Variants in ATP11C observed in about 807,000 individuals in gnomAD.
The protein encoded by ATP11C is phospholipid-transporting ATPase IG.
A neutral mutation model predicts 97.4 loss-of-function variants in ATP11C; 36 were observed. The ratio of observed to expected loss-of-function variants is 0.37; its 90% CI spans 0.28 to 0.49. The LOEUF (loss-of-function observed/expected upper bound fraction) is 0.49. Ranked by LOEUF, ATP11C falls within the 20% of genes least tolerant of loss-of-function variation. The pLI is 0.98. For synonymous variants in ATP11C, 275 were observed against 290.9 expected (o/e 0.95, Z 0.56); for missense variants, 730 against 824.6 (o/e 0.89, Z 1.40).
At chrX:139,847,575 C>T (rs967742110) in intron 1 of ATP11C, among the ~76,000 whole-genome samples, 1 of 109,886 alleles carries the variant, frequency 9.1e-6, no homozygotes, top group Non-Finnish European at 1.9e-5. Flanking sequence ...TGGTGGCTCA[C>T]GCCTGTAATC....
intron 1 of ATP11C, among the ~76,000 whole-genome samples, chrX:139,861,169 G>T (rs940663368): frequency 8.9e-6 from 1 of 111,832 alleles, no homozygotes; most frequent in African/African-American, 3.3e-5. Flanking sequence ...CCAAATTTTT[G>T]TTCTAGAAAA....
intron 29 of ATP11C, 116 bp downstream of exon 29, chrX:139,731,535 G>T: frequency 3.0e-6 from 1 of 329,947 alleles, no homozygotes; most frequent in African/African-American, 2.6e-5. Flanking sequence ...AAAGAATATT[G>T]TAAAGTTCAC....
At chrX:139,802,186 G>A in intron 7 of ATP11C, 50 bp downstream of exon 7, 1 of 923,441 alleles carries the variant, frequency 1.1e-6, no homozygotes, top group East Asian at 3.1e-5. Flanking sequence ...TATTAGCAAA[G>A]AGAAGCAGAG....
At chrX:139,745,201 T>C (rs762744497) in intron 25 of ATP11C, among the ~76,000 whole-genome samples, 5 of 111,387 alleles carry the variant, frequency 4.5e-5, no homozygotes, top group African/African-American at 1.3e-4. Flanking sequence ...CTGAATGAGA[T>C]AGTCATGTTC....
At chrX:139,782,844 T>C (rs774597605) in intron 17 of ATP11C, 116 bp from the exon 18 acceptor site, 34 of 512,864 alleles carry the variant, frequency 6.6e-5, no homozygotes, top group Middle Eastern at 8.7e-4. Context: ...CTGACACATA[T>C]TTAGTCTGAA....
At chrX:139,799,896 C>T (rs1035349390) in intron 8 of ATP11C, among the ~76,000 whole-genome samples, 164 bp downstream of exon 8, 117 of 109,676 alleles carry the variant, frequency 1.1e-3, no homozygotes, top group African/African-American at 3.5e-3. Context: ...AGGTGATCCA[C>T]CCACCTCAGC....
chrX:139,931,950 G>A, intron 1 of ATP11C, 66 bp downstream of exon 1: 1 of 1,113,010 alleles, frequency 9.0e-7, no homozygotes, highest in Non-Finnish European at 1.2e-6. Flanking sequence ...TTGTTGTGAG[G>A]GACCCGGCGA....
chrX:139,930,526 A>G (rs987503714), intron 1 of ATP11C, among the ~76,000 whole-genome samples: 10 of 111,419 alleles, frequency 9.0e-5, no homozygotes, highest in African/African-American at 2.9e-4. Flanking sequence ...CCCCCACGCA[A>G]CACTCCAAGA....
At chrX:139,810,045 C>T (rs1297270217) in intron 5 of ATP11C, among the ~76,000 whole-genome samples, 1 of 112,080 alleles carries the variant, frequency 8.9e-6, no homozygotes, top group African/African-American at 3.2e-5. Flanking sequence ...AAAATAGTAA[C>T]ATATTGTGGG....
rs1366329179 is a variant in ATP11C, at chrX:139,726,820, C to T, written c.*2146G>A. On this transcript the variant is annotated 3_prime_UTR_variant, in exon 30 of 30. Coordinates refer to ENST00000682941, the MANE Select transcript of ATP11C (RefSeq NM_001353812.2). ...TTCTCTGTCACAAATAGGGTGATTA[C>T]ATTGAGTGCTAGGAATACTGCATGG... The T allele has an allele frequency of 2.7e-5, 3 of 111,423 alleles. No individual in the cohort carries two copies. The highest frequency in any genetic ancestry group is 3.8e-5 in the Non-Finnish European group (2 of 52,947). 9.2% of individuals were successfully genotyped at this position (111,423 alleles called of 1,213,427 possible). A position where few individuals can be genotyped will look rare whatever the true frequency, so the allele number is the denominator to read the frequency against.
intron 1 of ATP11C, among the ~76,000 whole-genome samples, chrX:139,860,405 T>C (rs1465126117): frequency 8.9e-6 from 1 of 111,971 alleles, no homozygotes; most frequent in Non-Finnish European, 1.9e-5. Context: ...GAGAAAAGAA[T>C]ACCCTTGAAG....
chrX:139,871,642 T>C (rs1036620785), intron 1 of ATP11C, among the ~76,000 whole-genome samples: 1 of 105,516 alleles, frequency 9.5e-6, no homozygotes, highest in African/African-American at 3.5e-5. Flanking sequence ...CACCTCAGCC[T>C]CCTGAGTAGC....
At chrX:139,763,708 GTAT>G (rs1274512033) in intron 20 of ATP11C, among the ~76,000 whole-genome samples, 3 of 111,818 alleles carry the variant, frequency 2.7e-5, no homozygotes, top group African/African-American at 9.7e-5. Context: ...TTTAAAATCG[GTAT>G]TATTTTTATT....
At chrX:139,870,730 A>G (rs1488496476) in intron 1 of ATP11C, among the ~76,000 whole-genome samples, 1 of 112,503 alleles carries the variant, frequency 8.9e-6, no homozygotes, top group Non-Finnish European at 1.9e-5. Flanking sequence ...ACTAAATTGA[A>G]TATTAAGAAT....
intron 1 of ATP11C, among the ~76,000 whole-genome samples, chrX:139,892,498 C>T (rs1212407630): frequency 2.7e-5 from 3 of 111,621 alleles, no homozygotes; most frequent in Non-Finnish European, 5.6e-5. Flanking sequence ...GACCCAACCA[C>T]AGGTATGGGT....
chrX:139,906,797 A>G (rs2084986409), intron 1 of ATP11C, among the ~76,000 whole-genome samples: 1 of 109,464 alleles, frequency 9.1e-6, no homozygotes, highest in Non-Finnish European at 1.9e-5. Context: ...AAAAAACAAA[A>G]CAAACAACAA....
rs183273405 is a variant in ATP11C at position 139,749,158 on chromosome X, T to C, written c.2828+867A>G. Among the ~76,000 whole-genome samples, 1,025 of 111,991 alleles carry C rather than the reference T, an allele frequency of 9.2e-3. 11 individuals are homozygous for C. Among genetic ancestry groups the C allele is most frequent in the African/African-American group, 0.032 (974 of 30,856 alleles). ...AACAACTATTTACATTCATTCATTA[T>C]ATAAATAGCATTCTCTCTACTTTTA... On this transcript the variant is annotated intron_variant, in intron 24 of 29. Coordinates refer to ENST00000682941, the MANE Select transcript of ATP11C (RefSeq NM_001353812.2).
At chrX:139,752,283 T>C (rs2081837863) in intron 23 of ATP11C, among the ~76,000 whole-genome samples, 1 of 111,673 alleles carries the variant, frequency 9.0e-6, no homozygotes, top group Non-Finnish European at 1.9e-5. Flanking sequence ...TATTTGATTG[T>C]TGTCTTTCAC....
chrX:139,808,017 G>A (rs951050033), intron 5 of ATP11C, among the ~76,000 whole-genome samples: 2 of 108,521 alleles, frequency 1.8e-5, no homozygotes, highest in Non-Finnish European at 3.8e-5. Flanking sequence ...TAGACAACAT[G>A]TAACAGTGAA....
Sources: allele counts gnomAD v4.1 joint callset (sites outside exome capture counted in the v4.1 genomes callset), GRCh38; gene constraint gnomAD v4.1.1; transcripts MANE v1.5; gene names NCBI Gene and HGNC (gene_info 2026-07-23, HGNC 2026-07-21).